Variants in ESR1 observed in about 807,000 individuals in gnomAD.
ESR1 encodes estrogen receptor.
ESR1 carries 12 observed loss-of-function variants against 52.7 expected under a neutral mutation model. The observed-to-expected ratio is 0.23, with a 90% CI of 0.15 to 0.37. The LOEUF (loss-of-function observed/expected upper bound fraction) is 0.37. Ranked by LOEUF, ESR1 falls within the 10% of genes least tolerant of loss-of-function variation. The probability of loss-of-function intolerance (pLI) is 1.00; values close to 1 mark genes in which losing one functional copy is unlikely to be tolerated. For synonymous variants in ESR1, 305 were observed against 316.8 expected (o/e 0.96, Z 0.39); for missense variants, 584 against 779.7 (o/e 0.75, Z 2.99).
In ESR1 at chr6:152,099,842, G is replaced by T. The variant is rs1378723032; in HGVS notation, c.*876G>T. ...AAGGTCAGCTTCAGGACCTGTTCCA[G>T]TGGGCACTGTACTTGGATCTTCCCG... On this transcript the variant is annotated 3_prime_UTR_variant, in exon 8 of 8. Transcript: ENST00000206249. 2 of 396,488 alleles carry T rather than the reference G, an allele frequency of 5.0e-6. No homozygotes were observed. The highest frequency in any genetic ancestry group is 2.1e-5 in the African/African-American group (1 of 48,626). The allele number at this position is 396,488 out of a possible 1,614,324, so 24.6% of individuals were successfully genotyped here.
chr6:151,716,803 G>T (rs535176247), intron 2 of ESR1, among the ~76,000 whole-genome samples: 4 of 152,156 alleles, frequency 2.6e-5, no homozygotes, highest in African/African-American at 9.7e-5. Context: ...TAGAACATTG[G>T]CTCCCTGGCT....
chr6:151,824,794 G>A (rs554903142), intron 1 of ESR1, among the ~76,000 whole-genome samples: 41 of 152,126 alleles, frequency 2.7e-4, no homozygotes, highest in Non-Finnish European at 4.4e-4. Context: ...GGTGGCACAC[G>A]CCTGCAGTCC....
chr6:151,970,604 T>C (rs768330600), intron 4 of ESR1, among the ~76,000 whole-genome samples: 5 of 152,144 alleles, frequency 3.3e-5, no homozygotes, highest in Non-Finnish European at 5.9e-5. Context: ...CAGGGAATTA[T>C]TCACACTTTA....
chr6:151,855,102 C>T (rs577478936), intron 2 of ESR1, among the ~76,000 whole-genome samples: 40 of 152,218 alleles, frequency 2.6e-4, no homozygotes, highest in African/African-American at 7.7e-4. Context: ...TTGGTGGAGA[C>T]GGGGTTTCAC....
At chr6:152,068,222 C>T (rs566031292) in intron 6 of ESR1, among the ~76,000 whole-genome samples, 8 of 152,320 alleles carry the variant, frequency 5.3e-5, no homozygotes, top group African/African-American at 9.6e-5. Context: ...TGTTCTGCAA[C>T]GTCCATCATT....
chr6:152,094,144 C>T lies in ESR1; in HGVS notation c.1370-241C>T, dbSNP rs1003525309. Among the ~76,000 whole-genome samples, 32 of 152,338 alleles carry T rather than the reference C, an allele frequency of 2.1e-4. No individual in the cohort carries two copies. The highest frequency in any genetic ancestry group is 7.5e-4 in the African/African-American group (31 of 41,596). Reference sequence around the variant, plus strand: ...TGACAGGCCCCAAGGCTAACAGCCCCTTTCTGGGTCATGGCTCATACAAAG... The same window carrying T: ...TGACAGGCCCCAAGGCTAACAGCCCTTTTCTGGGTCATGGCTCATACAAAG... On this transcript the variant is annotated intron_variant, in intron 6 of 7. Transcript: ENST00000206249. This position sits in a 1 kb window ranked among gnomAD's most constrained non-coding sequence, Gnocchi z 4.6.
At chr6:151,889,872 T>C (rs562500210) in intron 3 of ESR1, among the ~76,000 whole-genome samples, 3 of 152,182 alleles carry the variant, frequency 2.0e-5, no homozygotes, top group Admixed American at 1.3e-4. Context: ...TTTCAAGATA[T>C]TTTTCAACTT....
chr6:151,767,931 C>T (rs564710171), intron 2 of ESR1, among the ~76,000 whole-genome samples: 13 of 152,208 alleles, frequency 8.5e-5, no homozygotes, highest in East Asian at 3.9e-4. Flanking sequence ...TAGCTCTATG[C>T]GCTAGAATTA....
rs926099393 is a variant in ESR1 at position 151,807,825 on chromosome 6, G to T, written c.-88G>T. On this transcript the variant is annotated 5_prime_UTR_variant, in exon 1 of 8. Transcript: ENST00000206249. Reference sequence around the variant, plus strand: ...TGCGCTGCGTCGCCTCTAACCTCGGGCTGTGCTCTTTTTCCAGGTGGCCCG... The same window carrying T: ...TGCGCTGCGTCGCCTCTAACCTCGGTCTGTGCTCTTTTTCCAGGTGGCCCG... 42 of 1,193,656 alleles carry T rather than the reference G, an allele frequency of 3.5e-5. No individual in the cohort carries two copies. Among genetic ancestry groups the T allele is most frequent in the Non-Finnish European group, 5.0e-5 (41 of 822,782 alleles). The allele number at this position is 1,193,656 out of a possible 1,614,324, so 73.9% of individuals were successfully genotyped here. A position where few individuals can be genotyped will look rare whatever the true frequency, so the allele number is the denominator to read the frequency against.
chr6:151,737,804 T>G (rs1050417852), intron 2 of ESR1, among the ~76,000 whole-genome samples: 10 of 152,192 alleles, frequency 6.6e-5, no homozygotes, highest in Non-Finnish European at 1.5e-4. Context: ...TAACAATATA[T>G]TTTGGAAATT....
At chr6:151,730,201 C>A (rs1782137543) in intron 2 of ESR1, among the ~76,000 whole-genome samples, 1 of 152,110 alleles carries the variant, frequency 6.6e-6, no homozygotes. Flanking sequence ...TGGTCCTTAG[C>A]CCTGGCACTG....
At chr6:151,797,448 TAGAA>T (rs1177017806) in intron 2 of ESR1, among the ~76,000 whole-genome samples, 1 of 152,224 alleles carries the variant, frequency 6.6e-6, no homozygotes, top group Non-Finnish European at 1.5e-5. Flanking sequence ...CACTAGGACT[TAGAA>T]AGGACTTTAT....
At chr6:152,074,218 C>G (rs1244992779) in intron 6 of ESR1, among the ~76,000 whole-genome samples, 1 of 152,160 alleles carries the variant, frequency 6.6e-6, no homozygotes, top group Non-Finnish European at 1.5e-5. Context: ...TTTCACTGCC[C>G]TAAAAATCCT....
intron 2 of ESR1, among the ~76,000 whole-genome samples, chr6:151,728,022 A>G (rs11964488): frequency 0.045 from 6,883 of 152,256 alleles, 539 homozygotes; most frequent in African/African-American, 0.16. Context: ...GGGGAAGGCC[A>G]AGCACCTTGA....
chr6:152,069,678 C>G (rs1314329499), intron 6 of ESR1, among the ~76,000 whole-genome samples: 2 of 136,590 alleles, frequency 1.5e-5, no homozygotes, highest in Admixed American at 6.8e-5. Context: ...CAGCCCAGAT[C>G]CCTCACATGG....
chr6:151,874,320 A>C (rs1791461714), intron 2 of ESR1, among the ~76,000 whole-genome samples: 1 of 152,194 alleles, frequency 6.6e-6, no homozygotes, highest in Non-Finnish European at 1.5e-5. Context: ...TATTTAAAAA[A>C]TTATAAAGCA....
intron 2 of ESR1, 130 bp downstream of exon 2, chr6:151,842,917 T>G (rs1229712547): frequency 1.4e-6 from 1 of 739,984 alleles, no homozygotes; most frequent in Non-Finnish European, 2.3e-6. Flanking sequence ...GGTCCACTAG[T>G]ATCTTTGGTA....
exon 1 of ESR1, chr6:151,656,716 A>G (rs1260905356): frequency 6.6e-6 from 1 of 152,196 alleles, no homozygotes; most frequent in Non-Finnish European, 1.5e-5. Context: ...CCAAAATCTG[A>G]TACCAATCCT....
downstream of ESR1, among the ~76,000 whole-genome samples, chr6:152,106,558 A>G (rs1018017199): frequency 6.6e-6 from 1 of 152,012 alleles, no homozygotes; most frequent in African/African-American, 2.4e-5. Context: ...GTTGATGATC[A>G]TTGATGTTTT....
Sources: allele counts gnomAD v4.1 joint callset (sites outside exome capture counted in the v4.1 genomes callset), GRCh38; gene constraint gnomAD v4.1.1; non-coding constraint Gnocchi (gnomAD v3.1); transcripts MANE v1.5; gene names NCBI Gene and HGNC (gene_info 2026-07-23, HGNC 2026-07-21).